Variants in IL1RAP observed in about 807,000 individuals in gnomAD.
IL1RAP encodes interleukin-1 receptor accessory protein.
In IL1RAP, 35 loss-of-function variants were observed where a neutral mutation model predicts 60.7. The observed-to-expected ratio is 0.58, with a 90% CI of 0.44 to 0.76. The LOEUF (loss-of-function observed/expected upper bound fraction) is 0.76. IL1RAP is among the 30% of genes least tolerant of loss of function. The probability of loss-of-function intolerance (pLI) is 0.00; values close to 1 mark genes in which losing one functional copy is unlikely to be tolerated. For synonymous variants in IL1RAP, 268 were observed against 250.9 expected, an observed-to-expected ratio of 1.07 and a Z score of -0.64; for missense variants, 572 against 693.9, an observed-to-expected ratio of 0.82 and a Z score of 1.97.
intron 3 of IL1RAP, among the ~76,000 whole-genome samples, chr3:190,598,331 T>C (rs1471593033): frequency 6.6e-6 from 1 of 152,140 alleles, no homozygotes; most frequent in Non-Finnish European, 1.5e-5. Flanking sequence ...TCTTTTTTTT[T>C]CTATATACTT....
At chr3:190,587,269 T>C (rs563618513) in intron 3 of IL1RAP, among the ~76,000 whole-genome samples, 88 of 152,344 alleles carry the variant, frequency 5.8e-4, no homozygotes, top group African/African-American at 2.0e-3. Context: ...TGACTTGCTG[T>C]GTAATTGTGT....
At chr3:190,612,084 G>A (rs984238426) in intron 5 of IL1RAP, among the ~76,000 whole-genome samples, 9 of 152,068 alleles carry the variant, frequency 5.9e-5, no homozygotes, top group African/African-American at 2.2e-4. Flanking sequence ...CTCAAATATT[G>A]TTTAAAATAA....
chr3:190,637,280 G>A (rs1414458376), intron 9 of IL1RAP, among the ~76,000 whole-genome samples: 1 of 151,778 alleles, frequency 6.6e-6, no homozygotes, highest in East Asian at 1.9e-4. Context: ...AATGTTTCTG[G>A]TACATCTGCT....
chr3:190,559,441 T>G (rs1725701427), intron 2 of IL1RAP, among the ~76,000 whole-genome samples: 1 of 152,184 alleles, frequency 6.6e-6, no homozygotes, highest in Admixed American at 6.5e-5. Context: ...TATTCTTCTT[T>G]CTGTAGTTTC....
At chr3:190,575,512 G>T (rs954908146) in intron 3 of IL1RAP, among the ~76,000 whole-genome samples, 1 of 152,156 alleles carries the variant, frequency 6.6e-6, no homozygotes, top group African/African-American at 2.4e-5. Flanking sequence ...ATCTATTAAA[G>T]AATATGCTAT....
intron 1 of IL1RAP, among the ~76,000 whole-genome samples, chr3:190,553,507 A>G (rs1725054130): frequency 6.6e-6 from 1 of 152,096 alleles, no homozygotes; most frequent in Non-Finnish European, 1.5e-5. Context: ...GGGGAGAGAA[A>G]CTTAATTGCT....
chr3:190,527,484 G>T (rs1434747277), intron 1 of IL1RAP, among the ~76,000 whole-genome samples: 1 of 152,096 alleles, frequency 6.6e-6, no homozygotes, highest in Non-Finnish European at 1.5e-5. Flanking sequence ...AACACCTCTG[G>T]AGTCTCCAGG....
At chr3:190,615,323 G>T in intron 5 of IL1RAP, 2 of 1,280,922 alleles carry the variant, frequency 1.6e-6, no homozygotes, top group Non-Finnish European at 2.0e-6. Context: ...ATTCACATAG[G>T]AACCTCCAAA....
rs1256070562 is a variant in IL1RAP, at chr3:190,573,067, T to G, written c.64+8714T>G. Among the ~76,000 whole-genome samples, 49 of 52,140 alleles carry G rather than the reference T, an allele frequency of 9.4e-4. 10 individuals are homozygous for G. The highest frequency in any genetic ancestry group is 2.9e-3 in the African/African-American group (39 of 13,464). 34.2% of individuals were successfully genotyped at this position (52,140 alleles called of 152,430 possible). A position where few individuals can be genotyped will look rare whatever the true frequency, so the allele number is the denominator to read the frequency against. On this transcript the variant is annotated intron_variant, in intron 3 of 11. Transcript: ENST00000447382. ...TTTAGTAGAGACGGGGTTTCACCGT[T>G]TTAGCCGGGATGGTCTCGATCTCCT...
chr3:190,643,301 A>T (rs1050369399), intron 9 of IL1RAP, among the ~76,000 whole-genome samples: 2 of 152,196 alleles, frequency 1.3e-5, no homozygotes, highest in Non-Finnish European at 2.9e-5. Flanking sequence ...CTAAAAAGAG[A>T]AAGGACTTCC....
chr3:190,656,320 C>T (rs1259132220), downstream of IL1RAP: 3 of 1,537,100 alleles, frequency 2.0e-6, no homozygotes, highest in Non-Finnish European at 2.6e-6. Flanking sequence ...TGCAGGTAGC[C>T]CTCCAGCCCC....
chr3:190,621,884 C>G (rs1369687589), intron 6 of IL1RAP, among the ~76,000 whole-genome samples: 1 of 152,106 alleles, frequency 6.6e-6, no homozygotes, highest in Non-Finnish European at 1.5e-5. Context: ...CTTTGGAGCT[C>G]ATACTTTTGA....
chr3:190,549,012 TC>T (rs1490375410), intron 1 of IL1RAP, among the ~76,000 whole-genome samples: 2 of 152,148 alleles, frequency 1.3e-5, no homozygotes, highest in Non-Finnish European at 1.5e-5. Flanking sequence ...TGAGACATTC[TC>T]CTTAGGGTTC....
At chr3:190,623,494 G>A in intron 7 of IL1RAP, 79 bp downstream of exon 7, 1 of 1,048,474 alleles carries the variant, frequency 9.5e-7, no homozygotes, top group Non-Finnish European at 1.5e-6. Context: ...GTTAATGCAA[G>A]AAAATAGACG....
chr3:190,637,830 A>AT (rs1491260840), intron 9 of IL1RAP, among the ~76,000 whole-genome samples: 3 of 150,750 alleles, frequency 2.0e-5, no homozygotes, highest in Non-Finnish European at 3.0e-5. Flanking sequence ...CTTTTTTAGA[A>AT]TAGTTTTTTT....
In IL1RAP at chr3:190,604,348, G is replaced by A. The variant is rs200829062; in HGVS notation, c.285G>A (p.Glu95=). Residue 95 remains glutamate (E), a synonymous_variant, in exon 4 of 12, where the codon GAG becomes GAA. Transcript: ENST00000447382. The part of the protein sequence containing the change: ...FRLPENRISK[E]KDVLWFRPTL... ...TCCCCGAGAACCGCATTAGTAAGGA[G>A]AAAGATGTGCTGTGGTTCCGGCCCA... is the stretch of plus-strand genomic sequence containing the variant. 6.2e-7 allele frequency: 1 copy of A among 1,613,960 alleles called. No individual in the cohort carries two copies. The highest frequency in any genetic ancestry group is 8.5e-7 in the Non-Finnish European group (1 of 1,179,980).
intron 3 of IL1RAP, among the ~76,000 whole-genome samples, chr3:190,580,604 T>C (rs889006946): frequency 6.6e-6 from 1 of 152,076 alleles, no homozygotes; most frequent in Non-Finnish European, 1.5e-5. Context: ...GTCAAACTCA[T>C]AGAAGCTGGG....
At chr3:190,522,157 T>C (rs1378322385) in intron 1 of IL1RAP, among the ~76,000 whole-genome samples, 2 of 152,096 alleles carry the variant, frequency 1.3e-5, no homozygotes, top group Non-Finnish European at 2.9e-5. Context: ...ATTGAATGAA[T>C]AGAGTAGATC....
chr3:190,636,241 A>G (rs752712158), intron 9 of IL1RAP, among the ~76,000 whole-genome samples: 78 of 152,220 alleles, frequency 5.1e-4, no homozygotes, highest in Admixed American at 3.4e-3. Context: ...AGTGTTGTTC[A>G]TGTCTTCAAT....
Sources: gnomAD v4.1 joint callset for allele counts (sites outside exome capture counted in the v4.1 genomes callset) on GRCh38, gnomAD v4.1.1 for gene constraint, MANE v1.5 for transcripts, NCBI Gene and HGNC (gene_info 2026-07-23, HGNC 2026-07-21) for gene names.